Variants in PPM1L observed in about 807,000 individuals in gnomAD.
The protein encoded by PPM1L is protein phosphatase 1L.
A neutral mutation model predicts 31.4 loss-of-function variants in PPM1L; 13 were observed. That is an observed-to-expected ratio of 0.41 (90% CI 0.27 to 0.66). PPM1L has a LOEUF of 0.66. Ranked by LOEUF, PPM1L falls within the 30% of genes least tolerant of loss-of-function variation. PPM1L has a pLI of 0.29. For missense variants in PPM1L, 326 were observed against 453.7 expected, an observed-to-expected ratio of 0.72 and a Z score of 2.56; for synonymous variants, 184 against 175.4, an observed-to-expected ratio of 1.05 and a Z score of -0.39.
chr3:160,844,386 CT>C (rs576843869), intron 1 of PPM1L, among the ~76,000 whole-genome samples: 130 of 152,236 alleles, frequency 8.5e-4, no homozygotes, highest in African/African-American at 3.0e-3. Context: ...TCCTCAAGAT[CT>C]AGGTTCTTAT....
At chr3:160,886,214 C>G (rs1174274967) in intron 1 of PPM1L, among the ~76,000 whole-genome samples, 2 of 152,184 alleles carry the variant, frequency 1.3e-5, no homozygotes, top group Non-Finnish European at 1.5e-5. Flanking sequence ...CTCCCTGGGC[C>G]TGTGCCCCTA....
At chr3:161,006,529 G>GT (rs1169748667) in intron 2 of PPM1L, among the ~76,000 whole-genome samples, 3 of 151,832 alleles carry the variant, frequency 2.0e-5, no homozygotes, top group Non-Finnish European at 2.9e-5. Flanking sequence ...AGATAAAAAA[G>GT]TTTTTTTTAA....
chr3:160,780,460 G>C lies in PPM1L; in HGVS notation c.399+23753G>C, dbSNP rs534855251. Among the ~76,000 whole-genome samples the C allele has an allele frequency of 2.6e-5, 4 of 152,300 alleles. No homozygotes were observed. In the South Asian group the frequency reaches 6.2e-4, roughly 24 times the overall value. ...AAAGGCTCCATTGGATCCTTATTCA[G>C]AAATGTGCTTAAGGAATTGCAGGCC... On this transcript the variant is annotated intron_variant, in intron 1 of 3. Coordinates refer to ENST00000498165, the MANE Select transcript of PPM1L (RefSeq NM_139245.4).
chr3:161,065,515 T>C lies in PPM1L; in HGVS notation c.687T>C (p.His229=), dbSNP rs898938532. 6.2e-7 allele frequency: 1 copy of C among 1,614,090 alleles called. No individual in the cohort carries two copies. The highest frequency in any genetic ancestry group is 8.5e-7 in the Non-Finnish European group (1 of 1,179,962). ...DKDGNAIPLS[H]DHKPYQLKER... ...ATGGGAACGCTATTCCTTTGTCTCA[T>C]GATCACAAGCCTTACCAGTTGAAGG... is the stretch of plus-strand genomic sequence containing the variant. The change falls in exon 3 of 4, where the codon CAT becomes CAC. Residue 229 remains histidine, a synonymous_variant. Coordinates refer to ENST00000498165, the MANE Select transcript of PPM1L (RefSeq NM_139245.4).
At chr3:160,946,524 A>C (rs546026656) in intron 1 of PPM1L, among the ~76,000 whole-genome samples, 1 of 151,566 alleles carries the variant, frequency 6.6e-6, no homozygotes, top group Non-Finnish European at 1.5e-5. Context: ...AGATGTAAAA[A>C]CTCTCTCTTG....
At chr3:160,999,050 A>G (rs1370182344) in intron 2 of PPM1L, among the ~76,000 whole-genome samples, 4 of 152,186 alleles carry the variant, frequency 2.6e-5, no homozygotes, top group Non-Finnish European at 5.9e-5. Flanking sequence ...GCCTGGCACA[A>G]TAAATGCAAT....
At chr3:160,837,199 A>G (rs973224962) in intron 1 of PPM1L, among the ~76,000 whole-genome samples, 12 of 152,192 alleles carry the variant, frequency 7.9e-5, no homozygotes, top group African/African-American at 2.9e-4. Context: ...AACTATATAT[A>G]AAAAAAGCTT....
chr3:160,859,931 C>T (rs1343507626), intron 1 of PPM1L, among the ~76,000 whole-genome samples: 2 of 152,146 alleles, frequency 1.3e-5, no homozygotes, highest in African/African-American at 4.8e-5. Context: ...GCTGTAACCT[C>T]GATCAAGTTC....
At chr3:161,007,946 G>A (rs1276242761) in intron 2 of PPM1L, among the ~76,000 whole-genome samples, 2 of 152,080 alleles carry the variant, frequency 1.3e-5, no homozygotes, top group Admixed American at 6.5e-5. Flanking sequence ...GGTATTGTCG[G>A]GGCTCAAAAA....
chr3:161,029,509 C>T (rs1718501439), intron 2 of PPM1L, among the ~76,000 whole-genome samples: 1 of 152,026 alleles, frequency 6.6e-6, no homozygotes, highest in African/African-American at 2.4e-5. Context: ...AAGAAGAAAG[C>T]GATATGTAGG....
intron 1 of PPM1L, among the ~76,000 whole-genome samples, chr3:160,822,427 T>C (rs1713226831): frequency 1.3e-5 from 2 of 152,082 alleles, no homozygotes; most frequent in Admixed American, 1.3e-4. Context: ...TTCCTAAGGA[T>C]ATTTTATGTT....
chr3:160,997,605 C>T (rs1015233310), intron 2 of PPM1L, among the ~76,000 whole-genome samples: 1 of 152,066 alleles, frequency 6.6e-6, no homozygotes, highest in Non-Finnish European at 1.5e-5. Context: ...GTCAAATGGT[C>T]TGGTTTAATG....
intron 1 of PPM1L, among the ~76,000 whole-genome samples, chr3:160,859,731 C>G (rs181545213): frequency 6.6e-6 from 1 of 152,308 alleles, no homozygotes; most frequent in Admixed American, 6.5e-5. Context: ...CTGAGCCACC[C>G]TCACCCCTGG....
At chr3:161,031,311 C>A (rs1718554965) in intron 2 of PPM1L, among the ~76,000 whole-genome samples, 1 of 152,138 alleles carries the variant, frequency 6.6e-6, no homozygotes, top group African/African-American at 2.4e-5. Context: ...TGGGAACAAA[C>A]AATTGTTGAG....
chr3:160,867,327 C>CTTTTTTT (rs529507709), intron 1 of PPM1L, among the ~76,000 whole-genome samples: 17 of 123,928 alleles, frequency 1.4e-4, no homozygotes, highest in Non-Finnish European at 1.3e-4. Flanking sequence ...GTTCCATGTT[C>CTTTTTTT]TTTTTTTTTT....
chr3:160,886,505 C>G (rs530269747), intron 1 of PPM1L, among the ~76,000 whole-genome samples: 29 of 152,160 alleles, frequency 1.9e-4, no homozygotes, highest in Non-Finnish European at 3.7e-4. Flanking sequence ...GGATCAGGCA[C>G]CCATCTTTGC....
chr3:160,870,619 C>T (rs1712269945), intron 1 of PPM1L: 1 of 152,168 alleles, frequency 6.6e-6, no homozygotes, highest in African/African-American at 2.4e-5. Context: ...GAATGTGACA[C>T]TTCTCGGTCA....
chr3:160,827,743 G>A (rs944786766), intron 1 of PPM1L, among the ~76,000 whole-genome samples: 1 of 152,066 alleles, frequency 6.6e-6, no homozygotes, highest in Non-Finnish European at 1.5e-5. Flanking sequence ...AACCAGATGG[G>A]TCAGTGGGTA....
At chr3:160,903,884 TTTGTA>T (rs1713652643) in intron 1 of PPM1L, among the ~76,000 whole-genome samples, 1 of 152,160 alleles carries the variant, frequency 6.6e-6, no homozygotes, top group Non-Finnish European at 1.5e-5. Context: ...TATTTATGCT[TTTGTA>T]TTGTATTTAT....
Sources: allele counts gnomAD v4.1 joint callset (sites outside exome capture counted in the v4.1 genomes callset), GRCh38; gene constraint gnomAD v4.1.1; transcripts MANE v1.5; gene names NCBI Gene and HGNC (gene_info 2026-07-23, HGNC 2026-07-21).